Variants in SIK3 observed in about 807,000 individuals in gnomAD.
SIK3 encodes serine/threonine-protein kinase SIK3.
Under a neutral mutation model 144.2 loss-of-function variants are expected in SIK3, and 28 were observed. The ratio of observed to expected loss-of-function variants is 0.19; its 90% CI spans 0.14 to 0.27. The LOEUF (loss-of-function observed/expected upper bound fraction) is 0.27, where lower values mean the gene tolerates loss of function less well. Ranked by LOEUF, SIK3 falls within the 10% of genes least tolerant of loss-of-function variation. SIK3 has a pLI of 1.00. For missense variants in SIK3, 1,319 were observed against 1,776.0 expected (o/e 0.74, Z 4.62); for synonymous variants, 686 against 676.3 (o/e 1.01, Z -0.22).
intron 15 of SIK3, chr11:116,864,111 G>C (rs1266408450): frequency 4.2e-6 from 1 of 237,502 alleles, no homozygotes; most frequent in East Asian, 1.1e-4. Flanking sequence ...CTAGGCCAGA[G>C]AGAAAAGCTT....
At chr11:116,947,343 G>T (rs184909589) in intron 3 of SIK3, among the ~76,000 whole-genome samples, 2 of 145,440 alleles carry the variant, frequency 1.4e-5, no homozygotes, top group Admixed American at 1.5e-4. Flanking sequence ...CCCAGCAAAA[G>T]ATACTAAGAA....
chr11:116,964,283 C>G (rs1213294050), intron 1 of SIK3, among the ~76,000 whole-genome samples: 2 of 152,174 alleles, frequency 1.3e-5, no homozygotes, highest in African/African-American at 4.8e-5. Context: ...TTACACGCAA[C>G]AGCCACCACA....
At chr11:116,911,431 C>T (rs1273216339) in intron 4 of SIK3, among the ~76,000 whole-genome samples, 14 of 151,842 alleles carry the variant, frequency 9.2e-5, no homozygotes, top group East Asian at 7.7e-4. Flanking sequence ...TGCTTGAACC[C>T]GGGAGGCGGA....
At chr11:116,919,761 T>A (rs1424808723) in intron 4 of SIK3, among the ~76,000 whole-genome samples, 1 of 152,234 alleles carries the variant, frequency 6.6e-6, no homozygotes, top group African/African-American at 2.4e-5. Flanking sequence ...TAGCTTAATA[T>A]AATCCATCAG....
intron 1 of SIK3, among the ~76,000 whole-genome samples, chr11:116,977,277 C>T (rs1949981004): frequency 8.4e-6 from 1 of 118,432 alleles, no homozygotes; most frequent in Non-Finnish European, 1.6e-5. Flanking sequence ...GACAGAGTCT[C>T]GTTATGTTGC....
chr11:117,083,705 T>G (rs1954887816), intron 1 of SIK3, among the ~76,000 whole-genome samples: 1 of 152,166 alleles, frequency 6.6e-6, no homozygotes, highest in South Asian at 2.1e-4. Context: ...CCTGCAGGTG[T>G]CCAACTCATC....
intron 3 of SIK3, among the ~76,000 whole-genome samples, chr11:116,938,259 A>AGAGAG (rs1188897295): frequency 0.028 from 349 of 12,260 alleles, 1 homozygote; most frequent in Admixed American, 0.043. Context: ...AGAGGGGAGA[A>AGAGAG]GAGAGGAGAG....
intron 3 of SIK3, among the ~76,000 whole-genome samples, chr11:116,943,433 C>T (rs894453545): frequency 6.6e-6 from 1 of 152,124 alleles, no homozygotes; most frequent in African/African-American, 2.4e-5. Flanking sequence ...CTTTACAGGC[C>T]TCTTGAGGTA....
Position 116,845,266 on chromosome 11 carries a change from A to T in SIK3, c.*377T>A, listed in dbSNP as rs1261804310. On this transcript the variant is annotated 3_prime_UTR_variant, in exon 25 of 25. Transcript: ENST00000445177. The stretch of plus-strand genomic sequence containing the variant: ...CTTTGCTCTCCTGTTTCAAAAAAGG[A>T]ACGAAAGAAAAAAAAGAAAGGAAGA... 6.7e-6 allele frequency: 1 copy of T among 149,936 alleles called. No individual in the cohort carries two copies. Among genetic ancestry groups the T allele is most frequent in the Admixed American group, 6.6e-5 (1 of 15,236 alleles). The allele number at this position is 149,936 out of a possible 1,614,324, so 9.3% of individuals were successfully genotyped here. A position where few individuals can be genotyped will look rare whatever the true frequency, so the allele number is the denominator to read the frequency against.
At chr11:116,981,791 C>T (rs4938321) in intron 1 of SIK3, among the ~76,000 whole-genome samples, 47,707 of 152,030 alleles carry the variant, frequency 0.31, 8,523 homozygotes, top group African/African-American at 0.49. Flanking sequence ...GGCAGGAGGA[C>T]TGCTTGAGCC....
Position 116,849,386 on chromosome 11 carries a change from G to C in SIK3, c.3656-103C>G. The C allele has an allele frequency of 1.5e-6, 2 of 1,378,180 alleles. No homozygotes were observed. The highest frequency in any genetic ancestry group is 2.5e-5 in the South Asian group (2 of 79,498). 85.4% of individuals were successfully genotyped at this position (1,378,180 alleles called of 1,614,324 possible). On this transcript the variant is annotated intron_variant, in intron 21 of 24. Coordinates refer to ENST00000445177, the MANE Select transcript of SIK3 (RefSeq NM_001366686.3). The surrounding 1 kb of genome is among the most constrained non-coding windows in gnomAD (Gnocchi z 4.2). ...TGCAAGGGACAATGGGCAAGGCTGA[G>C]GAGATCATGTACACCAACCGCTGAT...
intron 15 of SIK3, among the ~76,000 whole-genome samples, chr11:116,866,350 T>C (rs1943634412): frequency 6.6e-6 from 1 of 151,346 alleles, no homozygotes; most frequent in Admixed American, 6.6e-5. Flanking sequence ...AAGGGTGTAT[T>C]AGATACCAGT....
intron 1 of SIK3, among the ~76,000 whole-genome samples, chr11:116,973,212 G>A (rs991058908): frequency 2.0e-5 from 3 of 152,170 alleles, no homozygotes; most frequent in African/African-American, 7.2e-5. Flanking sequence ...AATGTGTGCT[G>A]CTTTAAGCTG....
At position 116,896,662 on chromosome 11, in the gene SIK3, CT is replaced by C. The variant is rs376638077; in HGVS notation, c.742-287del. On this transcript the variant is annotated intron_variant, in intron 5 of 24. Coordinates refer to ENST00000445177, the MANE Select transcript of SIK3 (RefSeq NM_001366686.3). ...CCCATCCAAGCTGGCCCTTGGGCTTCTTTTGCAAATGCAAAGGGGAAATTTG... is the reference window on the plus strand; with the variant it reads ...CCCATCCAAGCTGGCCCTTGGGCTTCTTTGCAAATGCAAAGGGGAAATTTG... Among the ~76,000 whole-genome samples the C allele has an allele frequency of 5.1e-4, 77 of 152,318 alleles. 1 individual carries two copies. In the East Asian group the frequency reaches 0.013, roughly 26 times the overall value.
At chr11:116,940,705 T>C (rs1591379977) in intron 3 of SIK3, among the ~76,000 whole-genome samples, 2 of 151,408 alleles carry the variant, frequency 1.3e-5, no homozygotes, top group Middle Eastern at 6.8e-3. Flanking sequence ...AGTTACAATA[T>C]AAATGCTGGT....
chr11:116,856,196 CAA>C (rs780021390), intron 21 of SIK3, among the ~76,000 whole-genome samples: 23 of 115,568 alleles, frequency 2.0e-4, no homozygotes, highest in East Asian at 1.4e-3. Flanking sequence ...GACTCCGTCT[CAA>C]AAAAAAAAAA....
intron 1 of SIK3, among the ~76,000 whole-genome samples, chr11:117,031,666 A>G (rs1284853361): frequency 2.1e-5 from 3 of 141,718 alleles, no homozygotes; most frequent in African/African-American, 2.6e-5. Context: ...GATTACTGGC[A>G]TGTACCACCA....
At chr11:116,890,492 A>G (rs974695842) in intron 6 of SIK3, among the ~76,000 whole-genome samples, 2 of 152,226 alleles carry the variant, frequency 1.3e-5, no homozygotes, top group African/African-American at 4.8e-5. Flanking sequence ...CATATTTACT[A>G]AGTCCTACTA....
rs753539462 is a variant in SIK3, at chr11:116,858,701, T to A, written c.2766-2A>T. On this transcript the variant is annotated splice_acceptor_variant, in intron 20 of 24. Transcript: ENST00000445177. LOFTEE classifies it high-confidence loss of function. This position sits in a 1 kb window ranked among gnomAD's most constrained non-coding sequence, Gnocchi z 5.4. ...GGGGAGAACCGATTCACGTTCAAGC[T>A]GCAGACACAAAAGGGAGTACCAGAC... The A allele has an allele frequency of 1.3e-6, 2 of 1,529,762 alleles. No individual in the cohort carries two copies. Among genetic ancestry groups the A allele is most frequent in the Non-Finnish European group, 8.8e-7 (1 of 1,138,336 alleles). 94.8% of individuals were successfully genotyped at this position (1,529,762 alleles called of 1,614,324 possible). A position where few individuals can be genotyped will look rare whatever the true frequency, so the allele number is the denominator to read the frequency against.
Sources: gnomAD v4.1 joint callset for allele counts (sites outside exome capture counted in the v4.1 genomes callset) on GRCh38, gnomAD v4.1.1 for gene constraint, Gnocchi (gnomAD v3.1) non-coding constraint, MANE v1.5 for transcripts, NCBI Gene and HGNC (gene_info 2026-07-23, HGNC 2026-07-21) for gene names.